The following KCNK13 variants were observed in gnomAD, a reference collection of about 807,000 sequenced individuals.
The protein encoded by KCNK13 is potassium channel subfamily K member 13.
Under a neutral mutation model 23.4 loss-of-function variants are expected in KCNK13, and 12 were observed. The observed-to-expected ratio is 0.51, with a 90% CI of 0.33 to 0.83. KCNK13 has a LOEUF of 0.83. KCNK13 is among the 40% of genes least tolerant of loss of function. KCNK13 has a pLI of 0.02. For missense variants in KCNK13, 463 were observed against 556.3 expected, an observed-to-expected ratio of 0.83 and a Z score of 1.69; for synonymous variants, 231 against 229.5, an observed-to-expected ratio of 1.01 and a Z score of -0.06.
At chr14:90,124,604 G>A (rs1889774619) in intron 1 of KCNK13, among the ~76,000 whole-genome samples, 1 of 152,210 alleles carries the variant, frequency 6.6e-6, no homozygotes, top group Admixed American at 6.5e-5. Flanking sequence ...GGGGACCTCG[G>A]TCCTGCAACC....
At chr14:90,082,313 T>C (rs915039695) in intron 1 of KCNK13, among the ~76,000 whole-genome samples, 2 of 151,870 alleles carry the variant, frequency 1.3e-5, no homozygotes, top group Non-Finnish European at 2.9e-5. Flanking sequence ...GATCTGCCTA[T>C]GTCGGCCTCC....
intron 1 of KCNK13, among the ~76,000 whole-genome samples, chr14:90,076,889 C>T (rs966728226): frequency 4.6e-5 from 7 of 152,104 alleles, no homozygotes; most frequent in Non-Finnish European, 8.8e-5. Context: ...GCGTGATCTC[C>T]GCTCACTGGA....
intron 1 of KCNK13, among the ~76,000 whole-genome samples, chr14:90,171,225 G>A (rs539325221): frequency 6.6e-6 from 1 of 152,308 alleles, no homozygotes; most frequent in East Asian, 1.9e-4. Flanking sequence ...CTAAGCAACA[G>A]ATTTATTCTG....
intron 1 of KCNK13, among the ~76,000 whole-genome samples, chr14:90,102,022 TACAGGCATGTGCTACC>T (rs887498446): frequency 6.6e-6 from 1 of 151,764 alleles, no homozygotes; most frequent in Non-Finnish European, 1.5e-5. Context: ...TAGCTGGGAT[TACAGGCATGTGCTACC>T]ACACCCGGCT....
At position 90,137,359 on chromosome 14, in the gene KCNK13, C is replaced by T. The variant is rs10083392; in HGVS notation, c.335-46752C>T. ...TTTTTGAGATGGAATCTTGCTCTGT[C>T]GCCCAGGCTGGAGAGCAGTGGCATG... On this transcript the variant is annotated intron_variant, in intron 1 of 1. Transcript: ENST00000282146. Among the ~76,000 whole-genome samples, 1,257 of 151,938 alleles carry T rather than the reference C, an allele frequency of 8.3e-3. 21 individuals are homozygous for T. Among genetic ancestry groups the T allele is most frequent in the African/African-American group, 0.029 (1,202 of 41,440 alleles).
At chr14:90,176,730 T>G (rs949573905) in intron 1 of KCNK13, among the ~76,000 whole-genome samples, 3 of 152,076 alleles carry the variant, frequency 2.0e-5, no homozygotes, top group Non-Finnish European at 4.4e-5. Flanking sequence ...AGTTTAAAAA[T>G]AATGAAAGAG....
At chr14:90,113,538 A>G (rs1419519303) in intron 1 of KCNK13, among the ~76,000 whole-genome samples, 1 of 152,174 alleles carries the variant, frequency 6.6e-6, no homozygotes. Flanking sequence ...AATAGGTGAA[A>G]TCCAAATGAA....
At chr14:90,095,461 A>G (rs1017480928) in intron 1 of KCNK13, among the ~76,000 whole-genome samples, 5 of 152,146 alleles carry the variant, frequency 3.3e-5, no homozygotes, top group Non-Finnish European at 7.3e-5. Context: ...AGTCAGTGTT[A>G]TAGTCAACAT....
chr14:90,070,793 T>C (rs1889064552), intron 1 of KCNK13, among the ~76,000 whole-genome samples: 1 of 152,252 alleles, frequency 6.6e-6, no homozygotes, highest in Non-Finnish European at 1.5e-5. Flanking sequence ...TTTGGAATTA[T>C]AGCTGAGGAG....
At chr14:90,113,700 A>C (rs187695072) in intron 1 of KCNK13, among the ~76,000 whole-genome samples, 67 of 152,294 alleles carry the variant, frequency 4.4e-4, no homozygotes, top group Admixed American at 1.2e-3. Context: ...TGGGAGGCCA[A>C]GCTGGGAGGA....
chr14:90,164,503 G>A (rs1459451985), intron 1 of KCNK13, among the ~76,000 whole-genome samples: 1 of 152,064 alleles, frequency 6.6e-6, no homozygotes, highest in East Asian at 1.9e-4. Context: ...AGGAGAGAAT[G>A]GAGAAGAGAG....
chr14:90,148,976 G>A (rs990042117), intron 1 of KCNK13, among the ~76,000 whole-genome samples: 8 of 152,218 alleles, frequency 5.3e-5, no homozygotes, highest in South Asian at 2.1e-4. Flanking sequence ...GATGAATGAG[G>A]TCAGGAAAGG....
intron 1 of KCNK13, among the ~76,000 whole-genome samples, chr14:90,130,802 G>A (rs5025071): frequency 0.067 from 10,163 of 152,102 alleles, 379 homozygotes; most frequent in East Asian, 0.18. Flanking sequence ...CAACAAGAGC[G>A]AAACTCCATC....
At chr14:90,067,067 G>A (rs531673337) in intron 1 of KCNK13, among the ~76,000 whole-genome samples, 7 of 152,294 alleles carry the variant, frequency 4.6e-5, no homozygotes, top group African/African-American at 1.7e-4. Flanking sequence ...TCAGGAGTTC[G>A]AGACCAGCCT....
intron 1 of KCNK13, among the ~76,000 whole-genome samples, chr14:90,078,083 T>A (rs1288810718): frequency 2.6e-5 from 4 of 152,138 alleles, no homozygotes; most frequent in Non-Finnish European, 5.9e-5. Context: ...GAGGACTTAG[T>A]TTCTTTAACA....
intron 1 of KCNK13, among the ~76,000 whole-genome samples, chr14:90,146,317 G>C (rs569552329): frequency 6.6e-5 from 10 of 152,062 alleles, no homozygotes; most frequent in African/African-American, 1.9e-4. Context: ...GGTTAATGTG[G>C]AATATCTTTT....
chr14:90,111,365 G>A (rs186465596), intron 1 of KCNK13, among the ~76,000 whole-genome samples: 20 of 152,018 alleles, frequency 1.3e-4, no homozygotes, highest in Non-Finnish European at 2.9e-5. Flanking sequence ...TTTTTTCCCC[G>A]AATGTGTTAC....
intron 1 of KCNK13, among the ~76,000 whole-genome samples, chr14:90,085,488 G>C (rs1046603886): frequency 6.6e-5 from 10 of 150,486 alleles, no homozygotes; most frequent in African/African-American, 2.4e-4. Flanking sequence ...GCGAAACCCT[G>C]TCTCTACTAA....
chr14:90,153,581 T>C (rs769501843), intron 1 of KCNK13, among the ~76,000 whole-genome samples: 1 of 152,354 alleles, frequency 6.6e-6, no homozygotes, highest in East Asian at 1.9e-4. Flanking sequence ...CTGTGTTTAC[T>C]TTTTTGTCAT....
Sources: allele counts gnomAD v4.1 joint callset (sites outside exome capture counted in the v4.1 genomes callset), GRCh38; gene constraint gnomAD v4.1.1; transcripts MANE v1.5; gene names NCBI Gene and HGNC (gene_info 2026-07-23, HGNC 2026-07-21).